CHST7: variants seen among roughly 807,000 people sequenced by gnomAD.
CHST7 encodes N-acetylglucosamine 6-O-sulfotransferase 4.
In CHST7, 5 loss-of-function variants were observed where a neutral mutation model predicts 9.0. That is an observed-to-expected ratio of 0.56 (90% CI 0.29 to 1.17). The LOEUF (loss-of-function observed/expected upper bound fraction) is 1.17, where lower values mean the gene tolerates loss of function less well. Ranked by LOEUF, CHST7 falls within the 50% of genes most tolerant of loss-of-function variation. The probability of loss-of-function intolerance (pLI) is 0.08; values close to 1 mark genes in which losing one functional copy is unlikely to be tolerated. For synonymous variants in CHST7, 244 were observed against 237.1 expected (o/e 1.03, Z -0.27); for missense variants, 377 against 485.1 (o/e 0.78, Z 2.09).
chrX:46,588,660 T>C (rs771272304), intron 1 of CHST7, among the ~76,000 whole-genome samples: 4 of 111,315 alleles, frequency 3.6e-5, no homozygotes, highest in African/African-American at 1.3e-4. Context: ...AAGGGAACTG[T>C]AGCAAAGGAG....
At chrX:46,595,240 G>T (rs1942588525) in intron 1 of CHST7, among the ~76,000 whole-genome samples, 1 of 112,685 alleles carries the variant, frequency 8.9e-6, no homozygotes, top group Non-Finnish European at 1.9e-5. Context: ...CTCAGTGTTG[G>T]TATGTATCAG....
chrX:46,580,443 C>A (rs1011016191), intron 1 of CHST7, among the ~76,000 whole-genome samples: 13 of 111,799 alleles, frequency 1.2e-4, no homozygotes, highest in Admixed American at 4.7e-4. Context: ...GCATATCAAC[C>A]TGGGTGCTAG....
chrX:46,574,153 C>A lies in CHST7; in HGVS notation c.222C>A (p.Ala74=), dbSNP rs1294662515. The A allele has an allele frequency of 1.7e-6, 2 of 1,170,646 alleles. No individual in the cohort carries two copies. The highest frequency in any genetic ancestry group is 1.9e-5 in the South Asian group (1 of 53,264). ...AGCAGGGAGCGGAGGCGCGGGCCGC[C>A]GAGGAAGGGGGCGCGAACCAGTCTC... The part of the protein sequence containing the change: ...EREQGAEARA[A]EEGGANQSPR... Residue 74 remains alanine, a synonymous_variant, in exon 1 of 2, where the codon GCC becomes GCA. Coordinates refer to ENST00000276055, the MANE Select transcript of CHST7 (RefSeq NM_019886.4).
At chrX:46,593,538 T>C (rs1410088800) in intron 1 of CHST7, among the ~76,000 whole-genome samples, 1 of 112,048 alleles carries the variant, frequency 8.9e-6, no homozygotes, top group African/African-American at 3.2e-5. Context: ...TTTCAGCCTT[T>C]TACTTTCAGC....
chrX:46,590,733 T>C (rs1285608758), intron 1 of CHST7, among the ~76,000 whole-genome samples: 1 of 111,838 alleles, frequency 8.9e-6, no homozygotes, highest in Non-Finnish European at 1.9e-5. Flanking sequence ...TATAGATCTG[T>C]GTAATTTTAT....
At chrX:46,594,397 G>A (rs1942584442) in intron 1 of CHST7, among the ~76,000 whole-genome samples, 1 of 110,185 alleles carries the variant, frequency 9.1e-6, no homozygotes, top group East Asian at 2.8e-4. Context: ...GTGTGGTGAC[G>A]GGCACCTGTA....
In CHST7 at chrX:46,575,113, G is replaced by A. The variant is rs748226561; in HGVS notation, c.1182G>A (p.Gly394=). 1 of 1,108,193 alleles carries A rather than the reference G, an allele frequency of 9.0e-7. No homozygotes were observed. Among genetic ancestry groups the A allele is most frequent in the South Asian group, 2.1e-5 (1 of 46,940 alleles). 91.3% of individuals were successfully genotyped at this position (1,108,193 alleles called of 1,213,427 possible). Residue 394 remains glycine (G), a synonymous_variant, in exon 1 of 2, where the codon GGG becomes GGA. Transcript: ENST00000276055. The stretch of plus-strand genomic sequence containing the variant: ...TGCGCCGCCTGCTGCGCTTCTCCGG[G>A]CTACGCGCGCTCGCAGCGCTCGATG... The part of the protein sequence containing the change: ...AQLRRLLRFS[G]LRALAALDAF...
intron 1 of CHST7, among the ~76,000 whole-genome samples, chrX:46,585,809 G>A (rs1326495966): frequency 1.8e-5 from 2 of 111,956 alleles, no homozygotes; most frequent in East Asian, 2.8e-4. Context: ...GCAGTGACGC[G>A]ATATCGGCTC....
At chrX:46,585,987 C>T (rs940025728) in intron 1 of CHST7, among the ~76,000 whole-genome samples, 7 of 111,645 alleles carry the variant, frequency 6.3e-5, no homozygotes, top group Admixed American at 2.9e-4. Context: ...ACAAGTGATC[C>T]GCCTGCCTCG....
intron 1 of CHST7, 103 bp downstream of exon 1, chrX:46,575,526 C>G (rs1248863991): frequency 1.5e-6 from 1 of 686,048 alleles, no homozygotes; most frequent in Non-Finnish European, 1.9e-6. Context: ...ATGCTGGATC[C>G]CATTCTATCA....
At chrX:46,583,680 C>T (rs1206211679) in intron 1 of CHST7, among the ~76,000 whole-genome samples, 3 of 112,209 alleles carry the variant, frequency 2.7e-5, no homozygotes, top group East Asian at 5.5e-4. Flanking sequence ...ATGATCAAGT[C>T]GGTATTGGGG....
chrX:46,579,177 C>T (rs762306765), intron 1 of CHST7, among the ~76,000 whole-genome samples: 51 of 111,633 alleles, frequency 4.6e-4, no homozygotes, highest in Non-Finnish European at 9.4e-4. Flanking sequence ...AACTGCTTGC[C>T]ACAGTAATTT....
intron 1 of CHST7, among the ~76,000 whole-genome samples, chrX:46,593,481 A>G (rs753688866): frequency 8.0e-4 from 89 of 111,565 alleles, no homozygotes; most frequent in Non-Finnish European, 1.5e-3. Flanking sequence ...TAATATTAAT[A>G]TAGCTACTCT....
At chrX:46,595,540 G>A (rs1353332865) in intron 1 of CHST7, among the ~76,000 whole-genome samples, 1 of 110,479 alleles carries the variant, frequency 9.1e-6, no homozygotes, top group Admixed American at 9.7e-5. Context: ...CTTTTTTAGA[G>A]TGAACCTTTC....
chrX:46,581,248 A>AT (rs1216136192), intron 1 of CHST7, among the ~76,000 whole-genome samples: 2,170 of 95,694 alleles, frequency 0.023, 53 homozygotes, highest in Admixed American at 0.069. Flanking sequence ...AAAAAAAAAA[A>AT]AAATAATAAT....
rs1023646093 is a variant in CHST7, at chrX:46,574,801, T to C, written c.870T>C (p.Ser290=). 1 of 1,199,482 alleles carries C rather than the reference T, an allele frequency of 8.3e-7. No homozygotes were observed. The part of the protein sequence containing the change: ...PRAVHNSRLK[S]RQGLLRESIQ... The stretch of plus-strand genomic sequence containing the variant: ...CGGTGCACAACTCGCGCCTCAAGTC[T>C]AGGCAGGGACTGCTGCGCGAGAGCA... Residue 290 remains serine, a synonymous_variant, in exon 1 of 2, where the codon TCT becomes TCC. Transcript: ENST00000276055.
At chrX:46,578,832 G>A (rs760517196) in intron 1 of CHST7, among the ~76,000 whole-genome samples, 3 of 111,725 alleles carry the variant, frequency 2.7e-5, no homozygotes, top group South Asian at 7.6e-4. Flanking sequence ...CCAATCATTG[G>A]TGAAAGGGAA....
chrX:46,590,254 A>ATT lies in CHST7; in HGVS notation c.*32-7493_*32-7492dup, dbSNP rs11369586. 5.7e-4 allele frequency among the ~76,000 whole-genome samples: 59 copies of ATT among 102,727 alleles called. No homozygotes were observed. The East Asian group carries it at 6.1e-3, about 11-fold the overall frequency. The allele number at this position is 102,727 out of a possible 115,157, so 89.2% of individuals were successfully genotyped here. ...ATGTTGCACAAAGAAACAATGACAG[A>ATT]TTTTTTTTTTTTTTACTTTTTATTT... On this transcript the variant is annotated intron_variant, in intron 1 of 1. Coordinates refer to ENST00000276055, the MANE Select transcript of CHST7 (RefSeq NM_019886.4).
intron 1 of CHST7, among the ~76,000 whole-genome samples, chrX:46,584,520 A>G (rs1942539584): frequency 1.1e-5 from 1 of 88,373 alleles, no homozygotes; most frequent in Non-Finnish European, 2.1e-5. Context: ...CTGGGCAACA[A>G]CAGTGAAACT....
Sources: gnomAD v4.1 joint callset for allele counts (sites outside exome capture counted in the v4.1 genomes callset) on GRCh38, gnomAD v4.1.1 for gene constraint, MANE v1.5 for transcripts, NCBI Gene and HGNC (gene_info 2026-07-23, HGNC 2026-07-21) for gene names.